The following CADPS2 variants were observed in gnomAD, a reference collection of about 807,000 sequenced individuals.
CADPS2 encodes calcium-dependent secretion activator 2.
CADPS2 carries 93 observed loss-of-function variants against 172.5 expected under a neutral mutation model. That is an observed-to-expected ratio of 0.54 (90% confidence interval 0.46 to 0.64). The LOEUF (loss-of-function observed/expected upper bound fraction) is 0.64. CADPS2 is among the 30% of genes least tolerant of loss of function. CADPS2 has a pLI of 0.00. For missense variants in CADPS2, 1,420 were observed against 1,565.9 expected (o/e 0.91, Z 1.57); for synonymous variants, 546 against 555.2 (o/e 0.98, Z 0.23).
At chr7:122,533,513 T>C (rs985857426) in intron 8 of CADPS2, among the ~76,000 whole-genome samples, 2 of 152,156 alleles carry the variant, frequency 1.3e-5, no homozygotes, top group Non-Finnish European at 2.9e-5. Context: ...GGACAGAAAT[T>C]CAAAGAATAG....
intron 7 of CADPS2, among the ~76,000 whole-genome samples, chr7:122,574,609 G>C (rs2067742968): frequency 6.6e-6 from 1 of 150,864 alleles, no homozygotes; most frequent in African/African-American, 2.4e-5. Context: ...TCATGTCCCA[G>C]AAAGCAAAGA....
chr7:122,411,798 T>G (rs2047351948), intron 19 of CADPS2, among the ~76,000 whole-genome samples: 1 of 152,094 alleles, frequency 6.6e-6, no homozygotes, highest in African/African-American at 2.4e-5. Flanking sequence ...ATTCTAAAAA[T>G]ATTTAAGTTC....
chr7:122,524,243 T>C (rs2061030458), intron 8 of CADPS2, among the ~76,000 whole-genome samples: 1 of 152,152 alleles, frequency 6.6e-6, no homozygotes, highest in Non-Finnish European at 1.5e-5. Context: ...TATAACAAAA[T>C]GATCAAATGT....
intron 2 of CADPS2, among the ~76,000 whole-genome samples, chr7:122,669,699 G>T (rs2135521883): frequency 6.6e-6 from 1 of 152,024 alleles, no homozygotes; most frequent in East Asian, 2.0e-4. Context: ...TGCTGATTAG[G>T]TGTGGAGCCT....
intron 17 of CADPS2, among the ~76,000 whole-genome samples, chr7:122,437,822 GCA>G (rs2050832963): frequency 2.0e-5 from 3 of 147,938 alleles, no homozygotes; most frequent in Non-Finnish European, 4.5e-5. Context: ...AAAAAAAAAA[GCA>G]CAGTTCTCTC....
At chr7:122,508,466 T>TG (rs1301884520) in intron 9 of CADPS2, among the ~76,000 whole-genome samples, 1 of 135,764 alleles carries the variant, frequency 7.4e-6, no homozygotes, top group Non-Finnish European at 1.6e-5. Context: ...TTTTTTTTTT[T>TG]TTTTTTTTTT....
intron 11 of CADPS2, 53 bp from the exon 12 acceptor site, chr7:122,480,913 C>A: frequency 7.3e-7 from 1 of 1,361,740 alleles, no homozygotes; most frequent in Non-Finnish European, 9.8e-7. Flanking sequence ...GGGTTGGGAA[C>A]TATATACTTA....
chr7:122,573,555 A>C (rs2067557642), intron 7 of CADPS2, among the ~76,000 whole-genome samples: 1 of 151,824 alleles, frequency 6.6e-6, no homozygotes, highest in Non-Finnish European at 1.5e-5. Flanking sequence ...CAAACAAAAA[A>C]CCCTCTTCAG....
intron 27 of CADPS2, among the ~76,000 whole-genome samples, chr7:122,346,112 A>C (rs897365645): frequency 6.6e-6 from 1 of 152,098 alleles, no homozygotes; most frequent in Non-Finnish European, 1.5e-5. Flanking sequence ...CATGCCTGCA[A>C]TCCCAGCACT....
At chr7:122,434,628 G>A (rs1477116300) in intron 17 of CADPS2, among the ~76,000 whole-genome samples, 4 of 152,156 alleles carry the variant, frequency 2.6e-5, no homozygotes, top group African/African-American at 9.7e-5. Context: ...GGGCTGAAGA[G>A]AAGACAGAGA....
intron 8 of CADPS2, among the ~76,000 whole-genome samples, chr7:122,547,703 A>C (rs1276797292): frequency 6.6e-6 from 1 of 152,180 alleles, no homozygotes; most frequent in Non-Finnish European, 1.5e-5. Context: ...GTTAATAAAC[A>C]ATAAATATCA....
At chr7:122,608,972 G>GCTTA (rs1257502500) in intron 6 of CADPS2, among the ~76,000 whole-genome samples, 1 of 152,104 alleles carries the variant, frequency 6.6e-6, no homozygotes, top group Non-Finnish European at 1.5e-5. Flanking sequence ...AGGATTGCTT[G>GCTTA]AGGCCAGGAA....
intron 22 of CADPS2, among the ~76,000 whole-genome samples, chr7:122,390,132 C>A (rs952635849): frequency 2.6e-5 from 4 of 151,978 alleles, no homozygotes; most frequent in African/African-American, 9.7e-5. Context: ...GACTTAAGTT[C>A]TCTAGGGACC....
At chr7:122,706,727 T>A (rs2087593361) in intron 2 of CADPS2, among the ~76,000 whole-genome samples, 2 of 147,786 alleles carry the variant, frequency 1.4e-5, no homozygotes, top group Admixed American at 6.9e-5. Flanking sequence ...TATATGTATA[T>A]ATACTTATAT....
chr7:122,665,002 A>G (rs369396974), intron 2 of CADPS2, among the ~76,000 whole-genome samples: 25,973 of 146,452 alleles, frequency 0.18, 3,046 homozygotes, highest in Non-Finnish European at 0.26. Context: ...TCTCATTTAT[A>G]TGACTCAGGC....
chr7:122,480,896 T>G (rs1250913616), intron 11 of CADPS2, 36 bp from the exon 12 acceptor site: 1 of 1,495,728 alleles, frequency 6.7e-7, no homozygotes, highest in African/African-American at 1.4e-5. Context: ...ACAAAGCATA[T>G]TTAAATGGGT....
At chr7:122,670,423 T>C (rs1367943040) in intron 2 of CADPS2, among the ~76,000 whole-genome samples, 1 of 150,840 alleles carries the variant, frequency 6.6e-6, no homozygotes, top group Non-Finnish European at 1.5e-5. Context: ...ATTTAAAAAT[T>C]AGCCAGGGGT....
chr7:122,729,304 T>C (rs2091418331), intron 2 of CADPS2, among the ~76,000 whole-genome samples: 1 of 151,894 alleles, frequency 6.6e-6, no homozygotes, highest in Non-Finnish European at 1.5e-5. Flanking sequence ...ATCTTTGCTA[T>C]TGGGAATAGT....
At chr7:122,877,110 T>G (rs1821413874) in intron 1 of CADPS2, among the ~76,000 whole-genome samples, 1 of 152,126 alleles carries the variant, frequency 6.6e-6, no homozygotes, top group Non-Finnish European at 1.5e-5. Context: ...AATGCAAATA[T>G]GCTTTAATAA....
Sources: allele counts gnomAD v4.1 joint callset (sites outside exome capture counted in the v4.1 genomes callset), GRCh38; gene constraint gnomAD v4.1.1; transcripts MANE v1.5; gene names NCBI Gene and HGNC (gene_info 2026-07-23, HGNC 2026-07-21).